ME3: variants seen among roughly 807,000 people sequenced by gnomAD.
ME3 encodes the protein NADP-dependent malic enzyme, mitochondrial.
ME3 carries 48 observed loss-of-function variants against 68.9 expected under a neutral mutation model. That is an observed-to-expected ratio of 0.70 (90% CI 0.55 to 0.89). ME3 has a LOEUF of 0.89. Ranked by LOEUF, ME3 falls within the 40% of genes least tolerant of loss-of-function variation. ME3 has a pLI of 0.00. For synonymous variants in ME3, 320 were observed against 318.8 expected, an observed-to-expected ratio of 1.00 and a Z score of -0.04; for missense variants, 675 against 797.4, an observed-to-expected ratio of 0.85 and a Z score of 1.85.
At chr11:86,624,926 C>A (rs1353789780) in intron 2 of ME3, among the ~76,000 whole-genome samples, 1 of 152,042 alleles carries the variant, frequency 6.6e-6, no homozygotes, top group Non-Finnish European at 1.5e-5. Flanking sequence ...TGGAGCCCTG[C>A]AAGTATTTGG....
chr11:86,451,533 C>A (rs1245434500), intron 8 of ME3, among the ~76,000 whole-genome samples: 2 of 152,156 alleles, frequency 1.3e-5, no homozygotes, highest in Non-Finnish European at 1.5e-5. Context: ...ACCAAGCTGG[C>A]CTGATACTGT....
At chr11:86,449,833 A>C (rs1236754934) in intron 10 of ME3, 56 bp downstream of exon 10, 1 of 1,321,148 alleles carries the variant, frequency 7.6e-7, no homozygotes, top group African/African-American at 1.5e-5. Flanking sequence ...CTTCCAGTCC[A>C]GTTCCTGGGA....
downstream of ME3, among the ~76,000 whole-genome samples, chr11:86,438,173 G>GT (rs1333009324): frequency 6.6e-6 from 1 of 151,666 alleles, no homozygotes; most frequent in Admixed American, 6.6e-5. Flanking sequence ...TTTGTTTAGG[G>GT]TTTTTTCATA....
chr11:86,561,068 C>G (rs776748797), intron 2 of ME3, among the ~76,000 whole-genome samples: 2 of 151,952 alleles, frequency 1.3e-5, no homozygotes, highest in Non-Finnish European at 2.9e-5. Flanking sequence ...TGATACGGAC[C>G]TTGATCAGTG....
At chr11:86,575,440 G>A (rs1000988461) in intron 2 of ME3, among the ~76,000 whole-genome samples, 1 of 147,378 alleles carries the variant, frequency 6.8e-6, no homozygotes, top group Non-Finnish European at 1.5e-5. Context: ...CAGAGATGTA[G>A]GTGATTCAGC....
chr11:86,634,071 C>T (rs1944182893), intron 2 of ME3, among the ~76,000 whole-genome samples: 2 of 152,178 alleles, frequency 1.3e-5, no homozygotes, highest in Non-Finnish European at 2.9e-5. Flanking sequence ...AAATACACCC[C>T]TCTCCTTCCA....
chr11:86,658,667 C>T (rs1234788464), intron 2 of ME3, among the ~76,000 whole-genome samples: 2 of 151,974 alleles, frequency 1.3e-5, no homozygotes, highest in Non-Finnish European at 2.9e-5. Flanking sequence ...AGCCAGTTAC[C>T]AGAGGCAGGA....
chr11:86,494,333 C>T (rs1952181191), intron 6 of ME3, among the ~76,000 whole-genome samples: 1 of 152,140 alleles, frequency 6.6e-6, no homozygotes, highest in Non-Finnish European at 1.5e-5. Context: ...AAACACCTGA[C>T]CCCTTGGAGC....
chr11:86,496,310 A>G (rs1196357859), intron 6 of ME3, among the ~76,000 whole-genome samples: 2 of 152,086 alleles, frequency 1.3e-5, no homozygotes, highest in African/African-American at 4.8e-5. Context: ...GGAGGCTGAG[A>G]TAGGAGAATT....
intron 2 of ME3, among the ~76,000 whole-genome samples, chr11:86,605,317 C>T (rs1183597908): frequency 6.6e-6 from 1 of 152,234 alleles, no homozygotes; most frequent in African/African-American, 2.4e-5. Flanking sequence ...GGTTCCTCCT[C>T]AGGGCATCTG....
rs12293152 is a variant in ME3, at chr11:86,522,092, A to G, written c.468-13225T>C. On this transcript the variant is annotated intron_variant, in intron 4 of 14. Transcript: ENST00000543262. ...TGGCAAAACCCCATCTCTACTAAAA[A>G]TACAAAAATTAGCTGGGTGTGGTGG... Among the ~76,000 whole-genome samples the G allele has an allele frequency of 9.3e-3, 1,416 of 152,264 alleles. 28 individuals are homozygous for G. Among genetic ancestry groups the G allele is most frequent in the African/African-American group, 0.032 (1,324 of 41,544 alleles).
At chr11:86,574,426 A>T (rs866829775) in intron 2 of ME3, among the ~76,000 whole-genome samples, 63 of 120,392 alleles carry the variant, frequency 5.2e-4, no homozygotes, top group African/African-American at 1.6e-3. Context: ...TTTTTTGTTG[A>T]TGTTGTTGTT....
intron 4 of ME3, among the ~76,000 whole-genome samples, chr11:86,537,502 C>T (rs902962921): frequency 5.3e-5 from 8 of 152,042 alleles, no homozygotes; most frequent in Non-Finnish European, 1.0e-4. Flanking sequence ...ATGCCCTGCC[C>T]GTGGGGCAGG....
chr11:86,464,968 C>T, intron 8 of ME3, 123 bp downstream of exon 8: 1 of 714,998 alleles, frequency 1.4e-6, no homozygotes, highest in Non-Finnish European at 2.5e-6. Context: ...ATTCTTTTTT[C>T]AACAGCTGCT....
intron 4 of ME3, among the ~76,000 whole-genome samples, chr11:86,515,745 G>A (rs1027339651): frequency 1.3e-5 from 2 of 152,130 alleles, no homozygotes; most frequent in East Asian, 3.8e-4. Context: ...GTGCCAAGGA[G>A]CTCTCTGTAT....
intron 7 of ME3, among the ~76,000 whole-genome samples, chr11:86,473,273 A>G (rs1221267521): frequency 2.6e-5 from 4 of 152,366 alleles, no homozygotes; most frequent in African/African-American, 9.6e-5. Flanking sequence ...CAAGTGAAAC[A>G]GGGACCACAA....
intron 4 of ME3, among the ~76,000 whole-genome samples, chr11:86,510,322 C>T (rs1158577107): frequency 6.6e-6 from 1 of 152,140 alleles, no homozygotes; most frequent in African/African-American, 2.4e-5. Context: ...TCATCACTCC[C>T]CTACCCAAAA....
intron 4 of ME3, among the ~76,000 whole-genome samples, chr11:86,524,166 G>C (rs80183317): frequency 1.3e-5 from 2 of 152,204 alleles, no homozygotes; most frequent in Non-Finnish European, 2.9e-5. Context: ...CCTTCCTGAC[G>C]TCTAGAAGGC....
intron 1 of ME3, 157 bp from the exon 2 acceptor site, chr11:86,672,115 G>GCCACCTGCTCGGCTC: frequency 1.6e-6 from 1 of 620,786 alleles, no homozygotes; most frequent in Non-Finnish European, 2.4e-6. Context: ...CTCCTCGGCT[G>GCCACCTGCTCGGCTC]CCACCTGCTC....
Sources: gnomAD v4.1 joint callset for allele counts (sites outside exome capture counted in the v4.1 genomes callset) on GRCh38, gnomAD v4.1.1 for gene constraint, MANE v1.5 for transcripts, NCBI Gene and HGNC (gene_info 2026-07-23, HGNC 2026-07-21) for gene names.